The following CARS2 variants were observed in gnomAD, a reference collection of about 807,000 sequenced individuals.
CARS2 encodes the protein probable cysteine--tRNA ligase, mitochondrial.
In CARS2, 52 loss-of-function variants were observed where a neutral mutation model predicts 68.8. That is an observed-to-expected ratio of 0.76 (90% CI 0.61 to 0.95). CARS2 has a LOEUF of 0.95. Among genes scored for constraint, CARS2 ranks in the 40% least tolerant of loss-of-function variants. The pLI is 0.00. For synonymous variants in CARS2, 314 were observed against 303.6 expected (o/e 1.03, Z -0.36); for missense variants, 780 against 754.2 (o/e 1.03, Z -0.40).
rs1346376543 is a variant in CARS2, at chr13:110,668,087, A to T, written c.786-614T>A. Among the ~76,000 whole-genome samples the T allele has an allele frequency of 6.6e-6, 1 of 152,214 alleles. No individual in the cohort carries two copies. Among genetic ancestry groups the T allele is most frequent in the Non-Finnish European group, 1.5e-5 (1 of 68,030 alleles). On this transcript the variant is annotated intron_variant, in intron 7 of 14. Transcript: ENST00000257347. The surrounding 1 kb of genome is among the most constrained non-coding windows in gnomAD (Gnocchi z 4.1). The stretch of plus-strand genomic sequence containing the variant: ...CGCAGCAGGCCGGTGGATTTTCTTA[A>T]AATGATAGATAGAGAAATTTCTAAG...
chr13:110,650,820 C>A, intron 10 of CARS2: 2 of 508,250 alleles, frequency 3.9e-6, no homozygotes, highest in Non-Finnish European at 3.5e-6. Context: ...TCGAGCTTGA[C>A]GAGGAAGCCC....
chr13:110,682,376 C>T (rs1784706705), intron 6 of CARS2, among the ~76,000 whole-genome samples: 1 of 152,158 alleles, frequency 6.6e-6, no homozygotes, highest in South Asian at 2.1e-4. Flanking sequence ...CGGGACAGGG[C>T]ACCACGGCGG....
At position 110,649,931 on chromosome 13, in the gene CARS2, C is replaced by CTGTTTTTTTTTTTTTTTTT. The variant is rs1249270267; in HGVS notation, c.1054+1102_1054+1103insAAAAAAAAAAAAAAAAACA. On this transcript the variant is annotated intron_variant, in intron 10 of 14. Coordinates refer to ENST00000257347, the MANE Select transcript of CARS2 (RefSeq NM_024537.4). ...CCAGGGATGCAGCTCTGGATAACGA[C>CTGTTTTTTTTTTTTTTTTT]TTTTTTTTTTTTTTTTTTTTTTTTG... is the stretch of plus-strand genomic sequence containing the variant. 2.8e-3 allele frequency among the ~76,000 whole-genome samples: 202 copies of CTGTTTTTTTTTTTTTTTTT among 73,150 alleles called. 4 individuals are homozygous for CTGTTTTTTTTTTTTTTTTT. The highest frequency in any genetic ancestry group is 0.016 in the Middle Eastern group (2 of 128). 48.0% of individuals were successfully genotyped at this position (73,150 alleles called of 152,430 possible). A position where few individuals can be genotyped will look rare whatever the true frequency, so the allele number is the denominator to read the frequency against.
At chr13:110,692,906 T>C (rs893236069) in intron 3 of CARS2, among the ~76,000 whole-genome samples, 4 of 151,858 alleles carry the variant, frequency 2.6e-5, no homozygotes, top group Non-Finnish European at 4.4e-5. Flanking sequence ...GGTCAGGAGT[T>C]CGAGACCAGT....
At position 110,641,734 on chromosome 13, in the gene CARS2, C is replaced by T. The variant is rs924953511; in HGVS notation, c.1624-126G>A. ...GGCCTGTCCTAAAAAGCTTGCCAGG[C>T]GCTTAGAAAGGGCCCCACTACCTCC... On this transcript the variant is annotated intron_variant, in intron 14 of 14. Transcript: ENST00000257347. 746 of 790,676 alleles carry T rather than the reference C, an allele frequency of 9.4e-4. 3 individuals carry two copies. Among genetic ancestry groups the T allele is most frequent in the Non-Finnish European group, 1.4e-3 (622 of 458,406 alleles). The allele number at this position is 790,676 out of a possible 1,614,324, so 49.0% of individuals were successfully genotyped here. A position where few individuals can be genotyped will look rare whatever the true frequency, so the allele number is the denominator to read the frequency against.
chr13:110,648,206 T>C (rs1888397901), intron 10 of CARS2: 1 of 152,166 alleles, frequency 6.6e-6, no homozygotes. Flanking sequence ...TTTGAATAGC[T>C]TGATAGAAAA....
At chr13:110,711,075 C>A (rs1351608483), upstream of CARS2, among the ~76,000 whole-genome samples, 1 of 152,064 alleles carries the variant, frequency 6.6e-6, no homozygotes, top group Non-Finnish European at 1.5e-5. Flanking sequence ...AAGAACCGGT[C>A]TATTTCTTAC....
chr13:110,684,444 GT>G (rs1031987387), intron 5 of CARS2, among the ~76,000 whole-genome samples: 54 of 151,794 alleles, frequency 3.6e-4, no homozygotes, highest in Admixed American at 3.3e-3. Context: ...CTGTCCTCTG[GT>G]TCATCCCCAG....
At chr13:110,671,827 G>A (rs1242884551) in intron 7 of CARS2, among the ~76,000 whole-genome samples, 7 of 152,238 alleles carry the variant, frequency 4.6e-5, no homozygotes, top group Middle Eastern at 3.4e-3. Context: ...CCCATCTCAC[G>A]TGCAGAGACA....
intron 12 of CARS2, 185 bp from the exon 13 acceptor site, chr13:110,644,668 T>G: frequency 9.9e-7 from 1 of 1,005,896 alleles, no homozygotes; most frequent in African/African-American, 1.6e-5. Context: ...CAACTATAGG[T>G]GCATGAGGAA....
chr13:110,665,727 C>A lies in CARS2; in HGVS notation c.919+1613G>T. ...CAGTTCAGGGAGCGCTGAACTGAGCCCTGAACGAAGTCAACGAGGAAGTGA... is the reference window on the plus strand; with the variant it reads ...CAGTTCAGGGAGCGCTGAACTGAGCACTGAACGAAGTCAACGAGGAAGTGA... On this transcript the variant is annotated intron_variant, in intron 8 of 14. Coordinates refer to ENST00000257347, the MANE Select transcript of CARS2 (RefSeq NM_024537.4). The surrounding 1 kb of genome is among the most constrained non-coding windows in gnomAD (Gnocchi z 4.3). 1.0e-6 allele frequency: 1 copy of A among 985,340 alleles called. No individual in the cohort carries two copies. Among genetic ancestry groups the A allele is most frequent in the Non-Finnish European group, 1.2e-6 (1 of 829,906 alleles). 61.0% of individuals were successfully genotyped at this position (985,340 alleles called of 1,614,324 possible).
chr13:110,651,309 G>A, intron 9 of CARS2: 2 of 537,892 alleles, frequency 3.7e-6, no homozygotes, highest in South Asian at 4.5e-5. Context: ...CTCAGTATTT[G>A]TGGAAAGAGC....
At chr13:110,687,678 C>CAAA in intron 5 of CARS2, 43 bp downstream of exon 5, 32 of 784,814 alleles carry the variant, frequency 4.1e-5, no homozygotes, top group Admixed American at 1.4e-4. Flanking sequence ...AACTCTGTCT[C>CAAA]AAAAAAAAAA....
intron 5 of CARS2, among the ~76,000 whole-genome samples, chr13:110,685,574 T>A (rs1288308769): frequency 6.6e-6 from 1 of 152,136 alleles, no homozygotes; most frequent in Admixed American, 6.5e-5. Flanking sequence ...AAGCAAAAGG[T>A]TTTTATGGTC....
chr13:110,666,361 G>A (rs1594292850), intron 8 of CARS2: 1 of 985,244 alleles, frequency 1.0e-6, no homozygotes, highest in Non-Finnish European at 1.2e-6. Context: ...CTGGACAACA[G>A]CTCCTAAGTC....
rs1257800468 is a variant in CARS2, at chr13:110,667,340, C to T, written c.919G>A (p.Gly307Arg). Residue 307 changes from glycine (G) to arginine (R), a missense_variant and splice_region_variant, in exon 8 of 15, where the codon GGG becomes AGG. Coordinates refer to ENST00000257347, the MANE Select transcript of CARS2 (RefSeq NM_024537.4). Reference protein sequence around the residue: ...EQWGNYFLHSGHLHAKGKEEK... With the variant: ...EQWGNYFLHSRHLHAKGKEEK... ...AAATTAATCTGAAGTTATTACTTAC[C>T]AGAATGCAGAAAATAATTTCCCCAC... 6 of 1,609,022 alleles carry T rather than the reference C, an allele frequency of 3.7e-6. No homozygotes were observed. The highest frequency in any genetic ancestry group is 1.3e-5 in the African/African-American group (1 of 74,888).
intron 3 of CARS2, among the ~76,000 whole-genome samples, chr13:110,699,524 T>C (rs1334580886): frequency 6.6e-6 from 1 of 152,212 alleles, no homozygotes; most frequent in Non-Finnish European, 1.5e-5. Flanking sequence ...TAGGTCAGCT[T>C]TACTTAAATT....
At chr13:110,652,654 C>A (rs1214772178) in intron 9 of CARS2, among the ~76,000 whole-genome samples, 3 of 152,170 alleles carry the variant, frequency 2.0e-5, no homozygotes, top group Non-Finnish European at 4.4e-5. Flanking sequence ...CCCCACAGCC[C>A]AACTCCTGTC....
At position 110,645,854 on chromosome 13, in the gene CARS2, C is replaced by T. The variant is rs75248725; in HGVS notation, c.1317+113G>A. 32,504 of 1,313,312 alleles carry T rather than the reference C, an allele frequency of 0.025. 577 individuals carry two copies. The highest frequency in any genetic ancestry group is 0.074 in the African/African-American group (4,939 of 66,680). 81.4% of individuals were successfully genotyped at this position (1,313,312 alleles called of 1,614,324 possible). A position where few individuals can be genotyped will look rare whatever the true frequency, so the allele number is the denominator to read the frequency against. On this transcript the variant is annotated intron_variant, in intron 12 of 14. Transcript: ENST00000257347. ...TCCATGAGTTCCTCCACAGAAGCTG[C>T]GGGAGGCGAAATCAGCAGAGATGCC...
Sources: allele counts gnomAD v4.1 joint callset (sites outside exome capture counted in the v4.1 genomes callset), GRCh38; gene constraint gnomAD v4.1.1; non-coding constraint Gnocchi (gnomAD v3.1); transcripts MANE v1.5; gene names NCBI Gene and HGNC (gene_info 2026-07-23, HGNC 2026-07-21).